The following MAGI2 variants were observed in gnomAD, a reference collection of about 807,000 sequenced individuals.
MAGI2 encodes membrane associated guanylate kinase, WW and PDZ domain containing 2, also known as membrane-associated guanylate kinase, WW and PDZ domain-containing protein 2.
A neutral mutation model predicts 133.3 loss-of-function variants in MAGI2; 35 were observed. That is an observed-to-expected ratio of 0.26 (90% CI 0.20 to 0.35). The LOEUF (loss-of-function observed/expected upper bound fraction) is 0.35. MAGI2 is among the 10% of genes least tolerant of loss of function. MAGI2 has a pLI of 1.00. For missense variants in MAGI2, 1,636 were observed against 1,863.4 expected, an observed-to-expected ratio of 0.88 and a Z score of 2.25; for synonymous variants, 729 against 710.6, an observed-to-expected ratio of 1.03 and a Z score of -0.41.
chr7:78,282,537 T>C (rs116771148), intron 9 of MAGI2, among the ~76,000 whole-genome samples: 2,431 of 151,924 alleles, frequency 0.016, 72 homozygotes, highest in African/African-American at 0.055. Flanking sequence ...TATCTATCTA[T>C]CTATCTTGTC....
chr7:78,712,569 C>A (rs1819304001), intron 2 of MAGI2, among the ~76,000 whole-genome samples: 1 of 152,120 alleles, frequency 6.6e-6, no homozygotes, highest in Non-Finnish European at 1.5e-5. Context: ...CACTGCACTT[C>A]ATTGAAACTT....
chr7:78,287,487 A>G (rs980591461), intron 9 of MAGI2, among the ~76,000 whole-genome samples: 1 of 152,202 alleles, frequency 6.6e-6, no homozygotes, highest in Non-Finnish European at 1.5e-5. Context: ...TGGAACAGAC[A>G]ATCTCTGTGA....
At chr7:78,127,814 C>T (rs533488856) in intron 18 of MAGI2, among the ~76,000 whole-genome samples, 9 of 152,290 alleles carry the variant, frequency 5.9e-5, no homozygotes, top group Admixed American at 5.2e-4. Flanking sequence ...TCCTCTCTCA[C>T]TCTTACTTTT....
At chr7:78,593,498 T>C (rs968440561) in intron 3 of MAGI2, among the ~76,000 whole-genome samples, 1 of 152,148 alleles carries the variant, frequency 6.6e-6, no homozygotes, top group African/African-American at 2.4e-5. Context: ...CAGAGGAAGA[T>C]GAGACGGAAG....
At chr7:78,321,599 C>T (rs1432827542) in intron 9 of MAGI2, among the ~76,000 whole-genome samples, 1 of 152,160 alleles carries the variant, frequency 6.6e-6, no homozygotes, top group East Asian at 1.9e-4. Flanking sequence ...CCCTTCCTTA[C>T]ACCTTATATA....
intron 9 of MAGI2, among the ~76,000 whole-genome samples, chr7:78,301,798 A>G (rs1317833745): frequency 2.6e-5 from 4 of 152,208 alleles, no homozygotes; most frequent in Admixed American, 6.5e-5. Context: ...CATATAGAGT[A>G]TGTGCTTAAG....
Position 78,960,360 on chromosome 7 carries a change from C to T in MAGI2, c.418+46730G>A, listed in dbSNP as rs138139259. On this transcript the variant is annotated intron_variant, in intron 2 of 21. Coordinates refer to ENST00000354212, the MANE Select transcript of MAGI2 (RefSeq NM_012301.4). ...TCATTCATATAACGATACCATGTTA[C>T]GTCAGCGTAGACTCAGGTTAGGAGT... 2.6e-3 allele frequency among the ~76,000 whole-genome samples: 396 copies of T among 152,170 alleles called. 3 individuals carry two copies. Among genetic ancestry groups the T allele is most frequent in the African/African-American group, 9.1e-3 (376 of 41,542 alleles).
intron 10 of MAGI2, among the ~76,000 whole-genome samples, chr7:78,234,448 C>T (rs1584497195): frequency 6.6e-6 from 1 of 152,066 alleles, no homozygotes; most frequent in East Asian, 1.9e-4. Context: ...CAACATAATA[C>T]ATTTTCTTTA....
chr7:78,146,826 T>C (rs1823351472), intron 16 of MAGI2, among the ~76,000 whole-genome samples: 1 of 152,216 alleles, frequency 6.6e-6, no homozygotes, highest in South Asian at 2.1e-4. Flanking sequence ...CCATCTCCTT[T>C]TTCCTTTTAT....
At chr7:78,175,582 C>T (rs1826515015) in intron 14 of MAGI2, among the ~76,000 whole-genome samples, 1 of 152,162 alleles carries the variant, frequency 6.6e-6, no homozygotes. Context: ...GATAAGTTGG[C>T]AACCAGTGCA....
chr7:79,346,892 A>G (rs1220404355), intron 1 of MAGI2, among the ~76,000 whole-genome samples: 19 of 152,006 alleles, frequency 1.2e-4, no homozygotes. Flanking sequence ...ATTATTGCTC[A>G]TTGAATTCAC....
intron 1 of MAGI2, among the ~76,000 whole-genome samples, chr7:79,376,877 CAA>C (rs544323507): frequency 5.7e-4 from 86 of 150,318 alleles, no homozygotes; most frequent in African/African-American, 2.0e-3. Context: ...AGAGAAACAT[CAA>C]AAGTTATTCA....
intron 1 of MAGI2, among the ~76,000 whole-genome samples, chr7:79,026,651 T>A (rs1288420856): frequency 6.6e-6 from 1 of 151,992 alleles, no homozygotes; most frequent in African/African-American, 2.4e-5. Context: ...GGCGAGCAGA[T>A]TGCCTGAGCT....
intron 1 of MAGI2, among the ~76,000 whole-genome samples, chr7:79,332,558 G>A (rs949039307): frequency 1.3e-5 from 2 of 152,086 alleles, no homozygotes; most frequent in South Asian, 2.1e-4. Context: ...GAAGAATTAC[G>A]AGATCCTGGG....
intron 21 of MAGI2, among the ~76,000 whole-genome samples, chr7:78,021,859 T>C (rs1174145515): frequency 6.6e-6 from 1 of 152,226 alleles, no homozygotes; most frequent in Non-Finnish European, 1.5e-5. Flanking sequence ...TATCCAACTT[T>C]ACAGATGTGA....
chr7:78,393,759 G>T (rs1418567902), intron 6 of MAGI2, among the ~76,000 whole-genome samples: 1 of 152,164 alleles, frequency 6.6e-6, no homozygotes, highest in Non-Finnish European at 1.5e-5. Flanking sequence ...TCTGTTTGCA[G>T]TAGTATGTGC....
chr7:79,257,707 A>T (rs901963805), intron 1 of MAGI2, among the ~76,000 whole-genome samples: 1 of 152,224 alleles, frequency 6.6e-6, no homozygotes, highest in East Asian at 1.9e-4. Context: ...GCTCTAAAAC[A>T]AATTAGACTT....
At chr7:78,828,586 C>G (rs1025461935) in intron 2 of MAGI2, among the ~76,000 whole-genome samples, 5 of 151,904 alleles carry the variant, frequency 3.3e-5, no homozygotes, top group African/African-American at 1.2e-4. Flanking sequence ...GATCCTGGAA[C>G]AGAAAAAGAA....
intron 7 of MAGI2, among the ~76,000 whole-genome samples, chr7:78,360,704 G>T (rs968040103): frequency 1.3e-5 from 2 of 152,222 alleles, no homozygotes; most frequent in Non-Finnish European, 2.9e-5. Context: ...TGGGACAGGG[G>T]TCCCCTCTTC....
Sources: allele counts gnomAD v4.1 joint callset (sites outside exome capture counted in the v4.1 genomes callset), GRCh38; gene constraint gnomAD v4.1.1; transcripts MANE v1.5; gene names NCBI Gene and HGNC (gene_info 2026-07-23, HGNC 2026-07-21).